Variants in SLC17A1 observed in about 807,000 individuals in gnomAD.
SLC17A1 encodes the protein solute carrier family 17 member 1, also known as sodium-dependent phosphate transport protein 1.
In SLC17A1, 51 loss-of-function variants were observed where a neutral mutation model predicts 53.5. That is an observed-to-expected ratio of 0.95 (90% CI 0.76 to 1.20). The LOEUF (loss-of-function observed/expected upper bound fraction) is 1.20, where lower values mean the gene tolerates loss of function less well. SLC17A1 is among the 50% of genes most tolerant of loss of function. The pLI is 0.00. For synonymous variants in SLC17A1, 179 were observed against 198.8 expected, an observed-to-expected ratio of 0.90 and a Z score of 0.84; for missense variants, 538 against 568.2, an observed-to-expected ratio of 0.95 and a Z score of 0.54.
At chr6:25,816,946 C>G (rs1486607473) in intron 6 of SLC17A1, among the ~76,000 whole-genome samples, 1 of 150,136 alleles carries the variant, frequency 6.7e-6, no homozygotes, top group African/African-American at 2.5e-5. Flanking sequence ...CTCCCGGATT[C>G]AAGTGATTCT....
chr6:25,744,229 A>G, the SLC17A1 span, among the ~76,000 whole-genome samples: 1 of 152,250 alleles, frequency 6.6e-6, no homozygotes, highest in African/African-American at 2.4e-5. Context: ...TAGACATCCA[A>G]GGCTTCTGAG....
intron 12 of SLC17A1, among the ~76,000 whole-genome samples, chr6:25,788,971 A>ATAGGTAGG (rs70977229): frequency 3.6e-4 from 55 of 151,688 alleles, no homozygotes; most frequent in African/African-American, 9.2e-4. Flanking sequence ...GAATAGAAAG[A>ATAGGTAGG]TAGGTAGGTA....
chr6:25,726,138 G>A, the SLC17A1 span: 1 of 1,533,160 alleles, frequency 6.5e-7, no homozygotes, highest in Non-Finnish European at 8.8e-7. Flanking sequence ...TAAGTTACTT[G>A]CTTTGGGCTT....
At chr6:25,763,130 C>T in the SLC17A1 span, among the ~76,000 whole-genome samples, 1 of 152,178 alleles carries the variant, frequency 6.6e-6, no homozygotes, top group Non-Finnish European at 1.5e-5. Flanking sequence ...TATAATTTGT[C>T]TAAAGTGGAA....
intron 10 of SLC17A1, among the ~76,000 whole-genome samples, chr6:25,807,629 A>T (rs1004802140): frequency 1.3e-5 from 2 of 151,878 alleles, no homozygotes; most frequent in Admixed American, 6.6e-5. Flanking sequence ...CTTTTCCCTG[A>T]GTCCGTAGAG....
the SLC17A1 span, chr6:25,761,890 T>G: frequency 3.0e-5 from 37 of 1,239,522 alleles, no homozygotes; most frequent in South Asian, 1.8e-4. Context: ...CATATAAGAT[T>G]CTCCCTGTAT....
the SLC17A1 span, among the ~76,000 whole-genome samples, chr6:25,762,834 G>A: frequency 4.6e-5 from 7 of 152,062 alleles, no homozygotes; most frequent in Non-Finnish European, 5.9e-5. Flanking sequence ...CAGTAGTCTC[G>A]GCTGAAGGTC....
the SLC17A1 span, among the ~76,000 whole-genome samples, chr6:25,755,977 G>C: frequency 2.0e-5 from 3 of 152,122 alleles, no homozygotes; most frequent in East Asian, 1.9e-4. Flanking sequence ...CTCCAAAACA[G>C]GTCCTGAATG....
At chr6:25,771,147 T>C in the SLC17A1 span, 1 of 723,486 alleles carries the variant, frequency 1.4e-6, no homozygotes, top group South Asian at 1.7e-5. Context: ...CAACTACATT[T>C]AACATTTAAG....
chr6:25,780,160 A>G (rs1763229094), downstream of SLC17A1: 1 of 152,234 alleles, frequency 6.6e-6, no homozygotes, highest in Non-Finnish European at 1.5e-5. Flanking sequence ...TATGGGCAGC[A>G]TGGAGGATCA....
the SLC17A1 span, among the ~76,000 whole-genome samples, chr6:25,737,907 T>C: frequency 6.6e-6 from 1 of 152,214 alleles, no homozygotes; most frequent in Non-Finnish European, 1.5e-5. Context: ...GATTCTAGAT[T>C]GGTATCTAAG....
At chr6:25,758,238 AC>A in the SLC17A1 span, among the ~76,000 whole-genome samples, 2 of 152,110 alleles carry the variant, frequency 1.3e-5, no homozygotes, top group Admixed American at 1.3e-4. Context: ...CTATAATTTG[AC>A]TTGAAGTGAC....
the SLC17A1 span, chr6:25,769,271 A>C: frequency 7.8e-7 from 1 of 1,289,012 alleles, no homozygotes; most frequent in African/African-American, 1.5e-5. Context: ...AGATTCATTT[A>C]ACCACTAAGT....
chr6:25,806,868 T>C (rs893458553), intron 10 of SLC17A1, among the ~76,000 whole-genome samples: 6 of 151,980 alleles, frequency 3.9e-5, no homozygotes, highest in African/African-American at 1.4e-4. Flanking sequence ...GCAATTGGCA[T>C]GAATAGACAT....
the SLC17A1 span, chr6:25,771,110 A>G: frequency 4.0e-6 from 4 of 1,006,564 alleles, no homozygotes; most frequent in East Asian, 2.4e-5. Context: ...GGATATTTAC[A>G]TAGCTAAAGC....
the SLC17A1 span, chr6:25,726,958 A>G: frequency 6.2e-7 from 1 of 1,614,152 alleles, no homozygotes. Context: ...AAGGGCTTTA[A>G]GAAAGCTGTC....
the SLC17A1 span, chr6:25,769,940 T>C: frequency 3.6e-5 from 28 of 779,268 alleles, no homozygotes; most frequent in African/African-American, 2.7e-4. Flanking sequence ...GATACTGGTA[T>C]ATTGGAGGAA....
chr6:25,830,215 C>T (rs1277907877), intron 2 of SLC17A1, among the ~76,000 whole-genome samples: 2 of 152,196 alleles, frequency 1.3e-5, no homozygotes, highest in Non-Finnish European at 2.9e-5. Context: ...CTTCCACTTA[C>T]AGATCTATCT....
chr6:25,761,988 C>T, the SLC17A1 span: 2 of 1,613,154 alleles, frequency 1.2e-6, no homozygotes, highest in Non-Finnish European at 1.7e-6. Context: ...GATGTCAAGG[C>T]TACAGTGGGG....
Sources: gnomAD v4.1 joint callset for allele counts (sites outside exome capture counted in the v4.1 genomes callset) on GRCh38, gnomAD v4.1.1 for gene constraint, MANE v1.5 for transcripts, NCBI Gene and HGNC (gene_info 2026-07-23, HGNC 2026-07-21) for gene names.